Variants in NHSL1 observed in about 807,000 individuals in gnomAD.
NHSL1 encodes the protein NHS like 1.
NHSL1 carries 48 observed loss-of-function variants against 95.0 expected under a neutral mutation model. That is an observed-to-expected ratio of 0.51 (90% CI 0.40 to 0.64). NHSL1 has a LOEUF of 0.64. Ranked by LOEUF, NHSL1 falls within the 30% of genes least tolerant of loss-of-function variation. The probability of loss-of-function intolerance (pLI) is 0.00; values close to 1 mark genes in which losing one functional copy is unlikely to be tolerated. For missense variants in NHSL1, 1,971 were observed against 2,077.7 expected (o/e 0.95, Z 1.00); for synonymous variants, 783 against 833.9 (o/e 0.94, Z 1.05).
At chr6:138,490,742 C>T (rs1030512598) in intron 2 of NHSL1, among the ~76,000 whole-genome samples, 7 of 152,150 alleles carry the variant, frequency 4.6e-5, no homozygotes. Flanking sequence ...AAGTGATTCT[C>T]CTGCCTCAGC....
chr6:138,627,381 T>C (rs971599423), intron 1 of NHSL1, among the ~76,000 whole-genome samples: 4 of 152,230 alleles, frequency 2.6e-5, no homozygotes, highest in Non-Finnish European at 2.9e-5. Context: ...TTGTAAATAA[T>C]TGTAATATCC....
Position 138,432,105 on chromosome 6 carries a change from C to A in NHSL1, c.2240G>T (p.Ser747Ile), listed in dbSNP as rs780593530. Residue 747 changes from serine (S) to isoleucine (I), a missense_variant, in exon 6 of 8, where the codon AGC becomes ATC. By Grantham distance (142) the Ser-to-Ile change is moderately radical. Transcript: ENST00000343505. The surrounding 1 kb of genome is among the most constrained non-coding windows in gnomAD (Gnocchi z 4.4). ...RSQSTVSAGS[S>I]MTSATTPNVY... ...ATTGGGGGTGGTGGCGGAAGTCATG[C>A]TGCTGCCAGCACTAACTGTGCTCTG... The A allele has an allele frequency of 6.4e-7, 1 of 1,551,360 alleles. No homozygotes were observed.
At chr6:138,676,401 A>G (rs1785448833) in intron 1 of NHSL1, among the ~76,000 whole-genome samples, 1 of 152,116 alleles carries the variant, frequency 6.6e-6, no homozygotes, top group Non-Finnish European at 1.5e-5. Flanking sequence ...AAATACACTC[A>G]GAAAAAAAAA....
At chr6:138,606,343 T>A (rs1784433622) in intron 1 of NHSL1, among the ~76,000 whole-genome samples, 1 of 152,184 alleles carries the variant, frequency 6.6e-6, no homozygotes, top group East Asian at 1.9e-4. Flanking sequence ...ATCACAACAT[T>A]TCAAAATAAC....
At chr6:138,488,651 C>T (rs1341389859) in intron 2 of NHSL1, among the ~76,000 whole-genome samples, 1 of 152,136 alleles carries the variant, frequency 6.6e-6, no homozygotes, top group Non-Finnish European at 1.5e-5. Flanking sequence ...TCAGGAGTAA[C>T]CATGAAGTCA....
At chr6:138,449,109 T>A (rs1777062549) in intron 3 of NHSL1, among the ~76,000 whole-genome samples, 1 of 151,808 alleles carries the variant, frequency 6.6e-6, no homozygotes, top group African/African-American at 2.4e-5. Flanking sequence ...CACTGTTTAC[T>A]GCTACTGCAT....
At chr6:138,610,317 A>G (rs1429307984) in intron 1 of NHSL1, among the ~76,000 whole-genome samples, 3 of 151,686 alleles carry the variant, frequency 2.0e-5, no homozygotes, top group Admixed American at 6.6e-5. Context: ...GCATGTTCTC[A>G]CTCATAGGTG....
chr6:138,636,609 A>G (rs1336086561), intron 1 of NHSL1, among the ~76,000 whole-genome samples: 2 of 152,236 alleles, frequency 1.3e-5, no homozygotes, highest in Non-Finnish European at 2.9e-5. Flanking sequence ...TAGCATTTCT[A>G]TATGCCAACA....
intron 1 of NHSL1, among the ~76,000 whole-genome samples, chr6:138,653,754 C>T (rs974490167): frequency 3.3e-5 from 5 of 152,198 alleles, no homozygotes; most frequent in Admixed American, 6.5e-5. Context: ...CACATCACCA[C>T]GCAGTATACA....
chr6:138,611,182 G>C (rs112523445), intron 1 of NHSL1, among the ~76,000 whole-genome samples: 3 of 152,102 alleles, frequency 2.0e-5, no homozygotes, highest in African/African-American at 7.2e-5. Context: ...ATAAGAAAAG[G>C]GTTGGGAAGA....
chr6:138,595,912 G>A (rs761950803), intron 1 of NHSL1, among the ~76,000 whole-genome samples: 2 of 151,600 alleles, frequency 1.3e-5, no homozygotes, highest in Non-Finnish European at 1.5e-5. Context: ...AACATGGCCC[G>A]ACTTTCTCCT....
chr6:138,630,637 G>A (rs538480025), intron 1 of NHSL1, among the ~76,000 whole-genome samples: 1 of 152,204 alleles, frequency 6.6e-6, no homozygotes, highest in South Asian at 2.1e-4. Context: ...GGCCCGTGTT[G>A]GCCTCCCAAA....
chr6:138,548,773 T>A (rs757278043), upstream of NHSL1, among the ~76,000 whole-genome samples: 3 of 152,230 alleles, frequency 2.0e-5, no homozygotes, highest in Admixed American at 6.5e-5. Flanking sequence ...ATCTTTGCCT[T>A]CTTGTGGTTT....
At chr6:138,563,248 G>A (rs905879129) in intron 1 of NHSL1, among the ~76,000 whole-genome samples, 20 of 152,110 alleles carry the variant, frequency 1.3e-4, no homozygotes, top group Admixed American at 5.9e-4. Context: ...ATAGTGTCTC[G>A]CCACGGTAAA....
At chr6:138,434,396 A>G (rs1383477973) in intron 5 of NHSL1, among the ~76,000 whole-genome samples, 1 of 151,898 alleles carries the variant, frequency 6.6e-6, no homozygotes, top group African/African-American at 2.4e-5. Flanking sequence ...ACAACCAAAC[A>G]GAGAATAGTA....
intron 1 of NHSL1, among the ~76,000 whole-genome samples, chr6:138,592,599 C>A (rs1220869764): frequency 2.9e-5 from 4 of 139,780 alleles, no homozygotes; most frequent in African/African-American, 5.6e-5. Flanking sequence ...GAGACTGTCG[C>A]ACAAAAAAAC....
chr6:138,650,373 T>C (rs1785074683), intron 1 of NHSL1: 2 of 1,361,590 alleles, frequency 1.5e-6, no homozygotes, highest in Non-Finnish European at 2.1e-6. Context: ...CAGCCCACAG[T>C]TGTTCACAGC....
intron 1 of NHSL1, among the ~76,000 whole-genome samples, chr6:138,661,573 G>C (rs1208249785): frequency 1.3e-5 from 2 of 151,778 alleles, no homozygotes; most frequent in African/African-American, 4.8e-5. Context: ...GAGGTGAGAG[G>C]ATCGTTGGAG....
In NHSL1 at chr6:138,442,086, A is replaced by G. The variant is rs886308765; in HGVS notation, c.561T>C (p.Leu187=). Residue 187 remains leucine (L), a synonymous_variant, in exon 5 of 8, where the codon CTT becomes CTC. Transcript: ENST00000343505. The stretch of plus-strand genomic sequence containing the variant: ...TGTCTGTGTAAATTAGAGACCGCCG[A>G]AGGCTGGCCTGGCGATCGAAATTCT... The part of the protein sequence containing the change: ...TGENFDRQAS[L]RRSLIYTDTL... 2.6e-6 allele frequency: 4 copies of G among 1,550,728 alleles called. No individual in the cohort carries two copies. The highest frequency in any genetic ancestry group is 2.4e-5 in the East Asian group (1 of 40,878).
Sources: allele counts gnomAD v4.1 joint callset (sites outside exome capture counted in the v4.1 genomes callset), GRCh38; gene constraint gnomAD v4.1.1; non-coding constraint Gnocchi (gnomAD v3.1); transcripts MANE v1.5; gene names NCBI Gene and HGNC (gene_info 2026-07-23, HGNC 2026-07-21).